KAT6A: variants seen among roughly 807,000 people sequenced by gnomAD.
The protein encoded by KAT6A is lysine acetyltransferase 6A, also known as histone acetyltransferase KAT6A.
A neutral mutation model predicts 198.4 loss-of-function variants in KAT6A; 9 were observed. The ratio of observed to expected loss-of-function variants is 0.05; its 90% CI spans 0.03 to 0.08. KAT6A has a LOEUF of 0.08. Among genes scored for constraint, KAT6A ranks in the 10% least tolerant of loss-of-function variants. KAT6A has a pLI of 1.00. For synonymous variants in KAT6A, 890 were observed against 883.0 expected (o/e 1.01, Z -0.14); for missense variants, 2,077 against 2,509.9 (o/e 0.83, Z 3.69).
intron 2 of KAT6A, among the ~76,000 whole-genome samples, chr8:41,996,376 G>A (rs548814756): frequency 6.6e-6 from 1 of 152,282 alleles, no homozygotes; most frequent in Admixed American, 6.5e-5. Context: ...AATTAAAAGA[G>A]TATGGAAGAA....
In KAT6A at chr8:41,941,008, A is replaced by T. The variant is rs1477719193; in HGVS notation, c.2873T>A (p.Leu958Gln). ...RGQLKKSPEA[L>Q]KCRLTEGSER... ...ACTTCCTTCTGTTAATCTGCACTTCAGAGCCTCAGGGCTTTTCTTGAGCTG... is the reference window on the plus strand; with the variant it reads ...ACTTCCTTCTGTTAATCTGCACTTCTGAGCCTCAGGGCTTTTCTTGAGCTG... Residue 958 changes from leucine to glutamine, a missense_variant, in exon 15 of 17, where the codon CTG becomes CAG. Around this residue, in one of 13 missense-constraint regions of KAT6A, gnomAD observed 301 missense variants for 272.2 expected, o/e 1.11. Transcript: ENST00000265713. The T allele has an allele frequency of 1.2e-6, 2 of 1,614,036 alleles. No homozygotes were observed. Among genetic ancestry groups the T allele is most frequent in the South Asian group, 1.1e-5 (1 of 91,086 alleles).
At chr8:41,981,036 T>C in intron 4 of KAT6A, 109 bp from the exon 5 acceptor site, 2 of 809,614 alleles carry the variant, frequency 2.5e-6, no homozygotes, top group Non-Finnish European at 4.2e-6. Flanking sequence ...AAAAAAGAGA[T>C]AAGCCAGGCG....
At chr8:41,959,034 C>G (rs1361556020) in intron 8 of KAT6A, among the ~76,000 whole-genome samples, 1 of 151,862 alleles carries the variant, frequency 6.6e-6, no homozygotes, top group African/African-American at 2.4e-5. Context: ...TGGTGGCGGG[C>G]ACCTGTAGTC....
intron 2 of KAT6A, among the ~76,000 whole-genome samples, chr8:42,014,433 T>C (rs551300595): frequency 5.4e-4 from 82 of 152,310 alleles, no homozygotes; most frequent in Non-Finnish European, 7.2e-4. Context: ...GAAAAATCAA[T>C]TGAAGATAAA....
chr8:41,946,800 G>C lies in KAT6A; in HGVS notation c.1903-116C>G. On this transcript the variant is annotated intron_variant, in intron 11 of 16. Coordinates refer to ENST00000265713, the MANE Select transcript of KAT6A (RefSeq NM_006766.5). ...CCACAGCCCTGGTCCTTTGGGAATA[G>C]CAACGTACATCAACAAACAACTACC... 16 of 645,236 alleles carry C rather than the reference G, an allele frequency of 2.5e-5. No individual in the cohort carries two copies. The South Asian group carries it at 2.6e-4, about 10-fold the overall frequency. The allele number at this position is 645,236 out of a possible 1,614,324, so 40.0% of individuals were successfully genotyped here. A position where few individuals can be genotyped will look rare whatever the true frequency, so the allele number is the denominator to read the frequency against.
At chr8:41,963,167 G>A (rs1823293392) in intron 8 of KAT6A, among the ~76,000 whole-genome samples, 1 of 152,062 alleles carries the variant, frequency 6.6e-6, no homozygotes, top group South Asian at 2.1e-4. Flanking sequence ...TAAATCTCTA[G>A]TGCTTGGAAC....
At chr8:41,945,979 G>A (rs1400005775) in intron 12 of KAT6A, among the ~76,000 whole-genome samples, 2 of 150,208 alleles carry the variant, frequency 1.3e-5, no homozygotes, top group Non-Finnish European at 2.9e-5. Context: ...GCAGTGAGCC[G>A]AGATCACGCC....
At chr8:42,032,577 CA>C (rs1827182888) in intron 2 of KAT6A, among the ~76,000 whole-genome samples, 2 of 152,062 alleles carry the variant, frequency 1.3e-5, no homozygotes, top group Admixed American at 1.3e-4. Flanking sequence ...TCAAAGAGAG[CA>C]AAAGGTGAGT....
chr8:41,966,398 A>G (rs1238249536), intron 8 of KAT6A, among the ~76,000 whole-genome samples: 1 of 152,136 alleles, frequency 6.6e-6, no homozygotes, highest in Non-Finnish European at 1.5e-5. Flanking sequence ...GACAGACTAC[A>G]TTCATGTAAC....
chr8:41,941,075 G>T lies in KAT6A; in HGVS notation c.2806C>A (p.Pro936Thr), dbSNP rs367785766. The T allele has an allele frequency of 6.2e-7, 1 of 1,614,172 alleles. No homozygotes were observed. Among genetic ancestry groups the T allele is most frequent in the Admixed American group, 1.7e-5 (1 of 60,024 alleles). Residue 936 changes from proline to threonine, a missense_variant, in exon 15 of 17, where the codon CCC (proline) becomes ACC (threonine). By Grantham distance (38) the Pro-to-Thr change is conservative. This residue lies in a region of KAT6A where 301 missense variants were observed against 272.2 expected (regional missense o/e 1.11). Coordinates refer to ENST00000265713, the MANE Select transcript of KAT6A (RefSeq NM_006766.5). ...ACCCCCTCACTGAGTCTTCTCTTGG[G>T]AAGGTCAGGTTTCCCGTCCTGGCTT... Reference protein sequence around the residue: ...QPSQDGKPDLPKRRLSEGVEP... With the variant: ...QPSQDGKPDLTKRRLSEGVEP...
chr8:41,943,822 C>T lies in KAT6A; in HGVS notation c.2154G>A (p.Lys718=), dbSNP rs370145277. The T allele has an allele frequency of 1.4e-5, 22 of 1,613,890 alleles. No homozygotes were observed. The African/African-American group carries it at 1.7e-4, about 13-fold the overall frequency. ...TGTCTTGAGGGCAGATTCCAGTCAACTTGCTTAACTTCTTAATGCTGATCT... is the reference window on the plus strand; with the variant it reads ...TGTCTTGAGGGCAGATTCCAGTCAATTTGCTTAACTTCTTAATGCTGATCT... ...DKQISIKKLS[K]LTGICPQDIT... is the part of the protein sequence containing the mutation. Residue 718 remains lysine (K), a synonymous_variant, in exon 13 of 17, where the codon AAG becomes AAA. Coordinates refer to ENST00000265713, the MANE Select transcript of KAT6A (RefSeq NM_006766.5).
intron 9 of KAT6A, among the ~76,000 whole-genome samples, chr8:41,950,736 G>A (rs144614909): frequency 1.1e-4 from 16 of 152,038 alleles, no homozygotes; most frequent in African/African-American, 2.7e-4. Flanking sequence ...CAACTTTAAG[G>A]GCATCCAATC....
At chr8:41,957,308 GC>G (rs1564022141) in intron 8 of KAT6A, 2 of 562,214 alleles carry the variant, frequency 3.6e-6, no homozygotes, top group Non-Finnish European at 7.2e-6. Context: ...CCCTGAGCAA[GC>G]CTCCACAGCA....
chr8:41,965,957 T>C (rs1823462751), intron 8 of KAT6A, among the ~76,000 whole-genome samples: 1 of 152,230 alleles, frequency 6.6e-6, no homozygotes, highest in Admixed American at 6.5e-5. Flanking sequence ...CGCATAGATG[T>C]ATTTTTAGTT....
At chr8:41,982,509 C>T (rs1824411604) in intron 3 of KAT6A, among the ~76,000 whole-genome samples, 1 of 152,182 alleles carries the variant, frequency 6.6e-6, no homozygotes, top group South Asian at 2.1e-4. Context: ...CTTTAGTTAC[C>T]CACAGTCTAC....
chr8:41,953,969 T>TGTGTCACATTAAATG, intron 9 of KAT6A, among the ~76,000 whole-genome samples: 1 of 152,330 alleles, frequency 6.6e-6, no homozygotes, highest in East Asian at 1.9e-4. Flanking sequence ...ACATTAATTG[T>TGTGTCACATTAAATG]TGTCAGCTCA....
chr8:42,001,326 T>C (rs1825485978), intron 2 of KAT6A, among the ~76,000 whole-genome samples: 1 of 152,156 alleles, frequency 6.6e-6, no homozygotes, highest in African/African-American at 2.4e-5. Flanking sequence ...ACACAGCACA[T>C]TAGTGTCTCT....
rs531553168 is a variant in KAT6A, at chr8:41,982,270, T to G, written c.710-316A>C. On this transcript the variant is annotated intron_variant, in intron 3 of 16. Coordinates refer to ENST00000265713, the MANE Select transcript of KAT6A (RefSeq NM_006766.5). ...CATATCCGGTATATATGTATATATA[T>G]GAATACATATATGTTCATATATGAG... Among the ~76,000 whole-genome samples the G allele has an allele frequency of 4.6e-5, 7 of 152,244 alleles. No individual in the cohort carries two copies. The East Asian group carries it at 1.3e-3, about 29-fold the overall frequency.
chr8:41,942,913 T>G lies in KAT6A; in HGVS notation c.2316A>C (p.Glu772Asp). The change falls in exon 14 of 17, where the codon GAA (glutamate) becomes GAC (aspartate). Residue 772 changes from glutamate (E) to aspartate (D), a missense_variant. Transcript: ENST00000265713. ...LNLRPVDVDP[E>D]CLRWTPVIVS... ...CTATGACTGGAGTCCAGCGCAAACA[T>G]TCTGGATCTACATCTACAGGTCGCA... 6.2e-7 allele frequency: 1 copy of G among 1,614,142 alleles called. No homozygotes were observed. The highest frequency in any genetic ancestry group is 8.5e-7 in the Non-Finnish European group (1 of 1,180,022).
Sources: gnomAD v4.1 joint callset for allele counts (sites outside exome capture counted in the v4.1 genomes callset) on GRCh38, gnomAD v4.1.1 for gene constraint, gnomAD v4.1.1 regional missense constraint, MANE v1.5 for transcripts, NCBI Gene and HGNC (gene_info 2026-07-23, HGNC 2026-07-21) for gene names.